Variants in ADGRG6 observed in about 807,000 individuals in gnomAD.
ADGRG6 encodes adhesion G protein-coupled receptor G6.
ADGRG6 carries 84 observed loss-of-function variants against 142.4 expected under a neutral mutation model. The observed-to-expected ratio is 0.59, with a 90% CI of 0.49 to 0.71. The LOEUF (loss-of-function observed/expected upper bound fraction) is 0.71, where lower values mean the gene tolerates loss of function less well. Among genes scored for constraint, ADGRG6 ranks in the 30% least tolerant of loss-of-function variants. The pLI is 0.00. For synonymous variants in ADGRG6, 521 were observed against 520.5 expected (o/e 1.00, Z -0.01); for missense variants, 1,367 against 1,466.6 (o/e 0.93, Z 1.11).
At chr6:142,332,664 C>T (rs565814619) in intron 2 of ADGRG6, among the ~76,000 whole-genome samples, 13 of 152,172 alleles carry the variant, frequency 8.5e-5, no homozygotes, top group South Asian at 6.2e-4. Flanking sequence ...TTACTTACCA[C>T]GCCAAAAATG....
At chr6:142,408,958 T>C (rs1475417741) in intron 16 of ADGRG6, among the ~76,000 whole-genome samples, 1 of 152,182 alleles carries the variant, frequency 6.6e-6, no homozygotes, top group Non-Finnish European at 1.5e-5. Context: ...TAGACTTCCG[T>C]GTTCAACACT....
intron 14 of ADGRG6, among the ~76,000 whole-genome samples, chr6:142,404,874 C>T (rs1234578324): frequency 6.6e-6 from 1 of 152,066 alleles, no homozygotes; most frequent in Non-Finnish European, 1.5e-5. Context: ...TAAGCTGGGG[C>T]TGGATTAATG....
chr6:142,318,533 A>C (rs552208190), intron 2 of ADGRG6, among the ~76,000 whole-genome samples: 1 of 147,846 alleles, frequency 6.8e-6, no homozygotes, highest in East Asian at 2.0e-4. Flanking sequence ...GACTAACGTG[A>C]GAAAAAATAA....
rs747347676 is a variant in ADGRG6 at position 142,370,628 on chromosome 6, T to A, written c.904T>A (p.Ser302Thr). Residue 302 changes from serine (S) to threonine (T), a missense_variant, in exon 4 of 25, where the codon TCT becomes ACT. Ser to Thr is a moderately conservative substitution (Grantham distance 58, BLOSUM62 1). Transcript: ENST00000367609. ...LLGSNQNEIV[S>T]LKGDIYNFRL... ...GGGCTCCAATCAAAATGAAATTGTC[T>A]CTCTAAAAGGGGACATTTATAACTT... The A allele has an allele frequency of 3.4e-5, 55 of 1,613,232 alleles. No homozygotes were observed. In the East Asian group the frequency reaches 1.2e-3, roughly 35 times the overall value.
At chr6:142,316,093 A>C (rs1479419085) in intron 2 of ADGRG6, among the ~76,000 whole-genome samples, 1 of 152,126 alleles carries the variant, frequency 6.6e-6, no homozygotes, top group African/African-American at 2.4e-5. Context: ...GGTTTGAATT[A>C]TTAGGTCTTT....
chr6:142,319,860 A>C (rs563246735), intron 2 of ADGRG6, among the ~76,000 whole-genome samples: 33 of 152,256 alleles, frequency 2.2e-4, no homozygotes, highest in African/African-American at 7.9e-4. Flanking sequence ...TTTAAGTTTA[A>C]AACTCCCATC....
At chr6:142,429,714 C>G (rs1224491255) in intron 22 of ADGRG6, among the ~76,000 whole-genome samples, 3 of 152,074 alleles carry the variant, frequency 2.0e-5, no homozygotes, top group Non-Finnish European at 2.9e-5. Context: ...CACTTCTTCT[C>G]AAATATCTGC....
At chr6:142,327,458 G>C (rs187947283) in intron 2 of ADGRG6, among the ~76,000 whole-genome samples, 1 of 152,156 alleles carries the variant, frequency 6.6e-6, no homozygotes, top group East Asian at 1.9e-4. Context: ...CAGACATAGA[G>C]TAAACCTCTG....
At chr6:142,437,393 G>A (rs1582694210) in intron 22 of ADGRG6, 41 bp from the exon 23 acceptor site, 1 of 878,808 alleles carries the variant, frequency 1.1e-6, no homozygotes, top group Middle Eastern at 2.2e-4. Flanking sequence ...CTTTAAAGAT[G>A]TGTCAGTTGG....
intron 1 of ADGRG6, 109 bp from the exon 2 acceptor site, chr6:142,309,435 A>G (rs554327120): frequency 1.6e-6 from 1 of 628,698 alleles, no homozygotes; most frequent in South Asian, 2.7e-5. Context: ...AGCAAGGATG[A>G]AAAAGGTTTA....
rs182686136 is a variant in ADGRG6, at chr6:142,338,771, T to C, written c.104-28798T>C. On this transcript the variant is annotated intron_variant, in intron 2 of 24. Coordinates refer to ENST00000367609, the MANE Select transcript of ADGRG6 (RefSeq NM_198569.3). ...GTATAATTCTTAATTTCATCTGATA[T>C]GTAACTGAAACATTTTAATTAAAAA... 8.7e-3 allele frequency among the ~76,000 whole-genome samples: 1,323 copies of C among 152,262 alleles called. 10 individuals carry two copies. The highest frequency in any genetic ancestry group is 0.013 in the Non-Finnish European group (878 of 68,020).
chr6:142,350,319 G>A (rs1780107802), intron 2 of ADGRG6, among the ~76,000 whole-genome samples: 1 of 152,170 alleles, frequency 6.6e-6, no homozygotes, highest in African/African-American at 2.4e-5. Flanking sequence ...TTAATTAGCG[G>A]TGTCCTCTTG....
intron 2 of ADGRG6, among the ~76,000 whole-genome samples, chr6:142,351,188 C>T (rs746382878): frequency 2.6e-5 from 4 of 152,110 alleles, no homozygotes; most frequent in African/African-American, 4.8e-5. Flanking sequence ...GCCGAGATTG[C>T]GCCACTGCAC....
intron 2 of ADGRG6, among the ~76,000 whole-genome samples, chr6:142,329,489 G>A (rs1008522589): frequency 6.6e-6 from 1 of 152,054 alleles, no homozygotes; most frequent in Non-Finnish European, 1.5e-5. Flanking sequence ...ATAAGCATCA[G>A]CCATCTTCTG....
rs758021617 is a variant in ADGRG6 at position 142,390,392 on chromosome 6, G to A, written c.1308+49G>A. 1.1e-4 allele frequency: 113 copies of A among 1,045,086 alleles called. 2 individuals are homozygous for A. The highest frequency in any genetic ancestry group is 1.1e-3 in the Middle Eastern group (5 of 4,718). 64.7% of individuals were successfully genotyped at this position (1,045,086 alleles called of 1,614,324 possible). On this transcript the variant is annotated intron_variant, in intron 7 of 24. Coordinates refer to ENST00000367609, the MANE Select transcript of ADGRG6 (RefSeq NM_198569.3). ...TTTTTAAAAAAATTCTTTAACTTCT[G>A]GGAATCTGGAAAAGACTAGTTAACT... is the stretch of plus-strand genomic sequence containing the variant.
chr6:142,406,128 ATTTT>A (rs2115033319), intron 15 of ADGRG6, among the ~76,000 whole-genome samples: 1 of 152,028 alleles, frequency 6.6e-6, no homozygotes, highest in African/African-American at 2.4e-5. Flanking sequence ...TTTATTAAAT[ATTTT>A]ATGCTCTCCA....
At chr6:142,419,314 C>T (rs1043123415) in intron 21 of ADGRG6, among the ~76,000 whole-genome samples, 3 of 152,122 alleles carry the variant, frequency 2.0e-5, no homozygotes, top group Non-Finnish European at 2.9e-5. Flanking sequence ...CTCACTTGCA[C>T]GTTTGAAGCA....
At chr6:142,304,854 A>G (rs1296017470) in intron 1 of ADGRG6, among the ~76,000 whole-genome samples, 1 of 152,194 alleles carries the variant, frequency 6.6e-6, no homozygotes, top group East Asian at 1.9e-4. Flanking sequence ...TAAGATGCAT[A>G]CTAATTGACA....
At position 142,445,789 on chromosome 6, in the gene ADGRG6, G is replaced by A. The variant is rs1476848025; in HGVS notation, c.*2274G>A. On this transcript the variant is annotated 3_prime_UTR_variant, in exon 25 of 25. Transcript: ENST00000367609. ...AGCTGGGGAGCCTAAATTTAGTTCA[G>A]CTTACCTTTGAGAATAGCATCAATT... 6.6e-6 allele frequency: 1 copy of A among 152,072 alleles called. No individual in the cohort carries two copies. Among genetic ancestry groups the A allele is most frequent in the Non-Finnish European group, 1.5e-5 (1 of 67,990 alleles). 9.4% of individuals were successfully genotyped at this position (152,072 alleles called of 1,614,324 possible). A position where few individuals can be genotyped will look rare whatever the true frequency, so the allele number is the denominator to read the frequency against.
Sources: gnomAD v4.1 joint callset for allele counts (sites outside exome capture counted in the v4.1 genomes callset) on GRCh38, gnomAD v4.1.1 for gene constraint, MANE v1.5 for transcripts, NCBI Gene and HGNC (gene_info 2026-07-23, HGNC 2026-07-21) for gene names.